ARFGEF1: variants seen among roughly 807,000 people sequenced by gnomAD.
ARFGEF1 encodes the protein brefeldin A-inhibited guanine nucleotide-exchange protein 1.
Under a neutral mutation model 231.0 loss-of-function variants are expected in ARFGEF1, and 42 were observed. The ratio of observed to expected loss-of-function variants is 0.18; its 90% CI spans 0.14 to 0.24. The LOEUF (loss-of-function observed/expected upper bound fraction) is 0.24, where lower values mean the gene tolerates loss of function less well. Ranked by LOEUF, ARFGEF1 falls within the 10% of genes least tolerant of loss-of-function variation. The probability of loss-of-function intolerance (pLI) is 1.00; values close to 1 mark genes in which losing one functional copy is unlikely to be tolerated. For missense variants in ARFGEF1, 1,345 were observed against 2,192.0 expected, an observed-to-expected ratio of 0.61 and a Z score of 7.72; for synonymous variants, 710 against 732.3, an observed-to-expected ratio of 0.97 and a Z score of 0.49.
At chr8:67,262,077 A>G (rs1309394671) in intron 14 of ARFGEF1, among the ~76,000 whole-genome samples, 1 of 152,184 alleles carries the variant, frequency 6.6e-6, no homozygotes, top group Non-Finnish European at 1.5e-5. Context: ...TATAGTTGCC[A>G]TGTAGAGAGA....
intron 7 of ARFGEF1, among the ~76,000 whole-genome samples, chr8:67,279,936 T>G (rs1004864232): frequency 1.3e-5 from 2 of 152,140 alleles, no homozygotes; most frequent in African/African-American, 2.4e-5. Context: ...ACTTTCAAGG[T>G]GGTGAATTGA....
intron 23 of ARFGEF1, among the ~76,000 whole-genome samples, chr8:67,229,529 T>C (rs1839486939): frequency 6.6e-6 from 1 of 152,082 alleles, no homozygotes; most frequent in Admixed American, 6.6e-5. Flanking sequence ...TAAGATTTTC[T>C]ATATCGTTCG....
At chr8:67,300,471 G>T (rs1415700954) in intron 3 of ARFGEF1, among the ~76,000 whole-genome samples, 1 of 151,982 alleles carries the variant, frequency 6.6e-6, no homozygotes, top group African/African-American at 2.4e-5. Flanking sequence ...CTAAAGTATA[G>T]CAGTTAAATA....
At chr8:67,246,942 G>A (rs1840125635) in intron 19 of ARFGEF1, among the ~76,000 whole-genome samples, 1 of 150,112 alleles carries the variant, frequency 6.7e-6, no homozygotes. Flanking sequence ...AAATTCAAAG[G>A]ATTCTTAGTG....
chr8:67,268,933 T>C (rs1052279529), intron 10 of ARFGEF1, among the ~76,000 whole-genome samples: 6 of 152,056 alleles, frequency 3.9e-5, no homozygotes, highest in Admixed American at 1.3e-4. Context: ...GATCCTCTGA[T>C]TGACAAAATA....
chr8:67,283,008 A>T (rs961781546), intron 7 of ARFGEF1, among the ~76,000 whole-genome samples: 1 of 152,048 alleles, frequency 6.6e-6, no homozygotes, highest in Non-Finnish European at 1.5e-5. Flanking sequence ...AAAGGAAAAA[A>T]TAGGCAAAAG....
chr8:67,273,060 T>C (rs763764975), intron 9 of ARFGEF1, among the ~76,000 whole-genome samples: 22 of 152,082 alleles, frequency 1.4e-4, no homozygotes, highest in Middle Eastern at 3.4e-3. Context: ...TGAGCTGAGA[T>C]TGCACCACTG....
chr8:67,199,357 T>G, intron 38 of ARFGEF1: 1 of 331,730 alleles, frequency 3.0e-6, no homozygotes, highest in Non-Finnish European at 5.4e-6. Context: ...AATTTAGCAC[T>G]GTTTTTCCTG....
At chr8:67,272,755 G>A (rs1055987815) in intron 9 of ARFGEF1, among the ~76,000 whole-genome samples, 9 of 151,900 alleles carry the variant, frequency 5.9e-5, no homozygotes, top group Non-Finnish European at 8.8e-5. Flanking sequence ...TTACTTTTTC[G>A]GTAACCATTT....
intron 33 of ARFGEF1, among the ~76,000 whole-genome samples, chr8:67,215,462 G>A (rs201423880): frequency 6.6e-6 from 1 of 152,160 alleles, no homozygotes; most frequent in East Asian, 1.9e-4. Context: ...TGGAAATAAG[G>A]TCTTTTCAGA....
intron 22 of ARFGEF1, among the ~76,000 whole-genome samples, chr8:67,233,998 C>T (rs929733716): frequency 5.3e-5 from 8 of 152,052 alleles, no homozygotes; most frequent in Non-Finnish European, 1.0e-4. Context: ...GTTAATGTTG[C>T]CTTCACAACC....
chr8:67,275,044 T>C (rs1306429446), intron 9 of ARFGEF1, among the ~76,000 whole-genome samples: 1 of 152,098 alleles, frequency 6.6e-6, no homozygotes, highest in Non-Finnish European at 1.5e-5. Flanking sequence ...TTTCCACATA[T>C]GTATGAAGTT....
intron 1 of ARFGEF1, among the ~76,000 whole-genome samples, chr8:67,334,571 A>G (rs1808257354): frequency 6.6e-6 from 1 of 152,226 alleles, no homozygotes; most frequent in African/African-American, 2.4e-5. Flanking sequence ...TTCCCTTCCC[A>G]GTTTGTCTAC....
chr8:67,182,620 C>G (rs989038698), intron 5 of ARFGEF1, among the ~76,000 whole-genome samples: 2 of 152,214 alleles, frequency 1.3e-5, no homozygotes, highest in African/African-American at 4.8e-5. Flanking sequence ...CACAAAAGTT[C>G]CGATTTCTCT....
intron 38 of ARFGEF1, chr8:67,199,854 G>C (rs543118138): frequency 3.1e-4 from 54 of 174,340 alleles, no homozygotes; most frequent in Non-Finnish European, 4.5e-4. Flanking sequence ...GTACATTTTT[G>C]AAAACCTTAA....
intron 27 of ARFGEF1, among the ~76,000 whole-genome samples, chr8:67,226,798 A>C (rs1231123954): frequency 6.6e-6 from 1 of 152,038 alleles, no homozygotes; most frequent in African/African-American, 2.4e-5. Flanking sequence ...GGGTCTCAAG[A>C]CCATCTCCAT....
intron 1 of ARFGEF1, among the ~76,000 whole-genome samples, chr8:67,338,959 C>T (rs552643196): frequency 2.0e-5 from 3 of 152,030 alleles, no homozygotes; most frequent in Non-Finnish European, 4.4e-5. Flanking sequence ...AAAACCAGGG[C>T]CCAAAGCATT....
rs533673105 is a variant in ARFGEF1 at position 67,288,586 on chromosome 8, A to C, written c.917-521T>G. On this transcript the variant is annotated intron_variant, in intron 6 of 38. Transcript: ENST00000262215. ...CATCTCTACTAAAAATACAAAAATT[A>C]GCCAGGCGCGGTGGCACACGCCTGT... Among the ~76,000 whole-genome samples the C allele has an allele frequency of 9.7e-4, 148 of 152,228 alleles. 1 individual carries two copies. Among genetic ancestry groups the C allele is most frequent in the Non-Finnish European group, 9.3e-4 (63 of 68,008 alleles).
chr8:67,304,144 C>T (rs544417796), intron 1 of ARFGEF1, among the ~76,000 whole-genome samples: 1 of 152,320 alleles, frequency 6.6e-6, no homozygotes, highest in South Asian at 2.1e-4. Context: ...ATTTTTAACA[C>T]TATCACTAAC....
Sources: allele counts gnomAD v4.1 joint callset (sites outside exome capture counted in the v4.1 genomes callset), GRCh38; gene constraint gnomAD v4.1.1; transcripts MANE v1.5; gene names NCBI Gene and HGNC (gene_info 2026-07-23, HGNC 2026-07-21).